CCDC91: variants seen among roughly 807,000 people sequenced by gnomAD.
CCDC91 encodes the protein coiled-coil domain containing 91.
Under a neutral mutation model 63.2 loss-of-function variants are expected in CCDC91, and 48 were observed. That is an observed-to-expected ratio of 0.76 (90% CI 0.60 to 0.97). The LOEUF (loss-of-function observed/expected upper bound fraction) is 0.97, where lower values mean the gene tolerates loss of function less well. Ranked by LOEUF, CCDC91 falls within the 50% of genes least tolerant of loss-of-function variation. CCDC91 has a pLI of 0.00. For synonymous variants in CCDC91, 167 were observed against 165.8 expected, an observed-to-expected ratio of 1.01 and a Z score of -0.06; for missense variants, 500 against 494.6, an observed-to-expected ratio of 1.01 and a Z score of -0.10.
At chr12:28,523,525 T>C (rs541599094) in intron 12 of CCDC91, among the ~76,000 whole-genome samples, 297 of 152,288 alleles carry the variant, frequency 2.0e-3, no homozygotes, top group Non-Finnish European at 3.3e-3. Context: ...TGACTCTTTA[T>C]CCAATTTGCC....
chr12:28,374,490 A>G (rs1365667192), intron 7 of CCDC91, among the ~76,000 whole-genome samples: 1 of 152,186 alleles, frequency 6.6e-6, no homozygotes, highest in Non-Finnish European at 1.5e-5. Flanking sequence ...GTTGCTTCAA[A>G]TATTAATTTA....
rs1555169638 is a variant in CCDC91, at chr12:28,264,585, C to CTGTATGTGTGTG, written c.109+5146_109+5147insATGTGTGTGTGT. ...TAGGCACATATATATATATGTCTGT[C>CTGTATGTGTGTG]TGTGTGTGTGTGTGTGTGTGTGTGT... On this transcript the variant is annotated intron_variant, in intron 3 of 12. Transcript: ENST00000536442. Among the ~76,000 whole-genome samples, 561 of 137,298 alleles carry CTGTATGTGTGTG rather than the reference C, an allele frequency of 4.1e-3. 10 individuals carry two copies. Among genetic ancestry groups the CTGTATGTGTGTG allele is most frequent in the Non-Finnish European group, 5.8e-3 (372 of 64,518 alleles). 90.1% of individuals were successfully genotyped at this position (137,298 alleles called of 152,430 possible). A position where few individuals can be genotyped will look rare whatever the true frequency, so the allele number is the denominator to read the frequency against.
chr12:28,450,494 A>G, intron 10 of CCDC91, 76 bp downstream of exon 10: 1 of 1,022,640 alleles, frequency 9.8e-7, no homozygotes. Context: ...AGTATTCTCA[A>G]TCTTTTATAA....
At chr12:28,499,007 A>G (rs889757248) in intron 12 of CCDC91, among the ~76,000 whole-genome samples, 1 of 151,684 alleles carries the variant, frequency 6.6e-6, no homozygotes, top group Non-Finnish European at 1.5e-5. Context: ...GAATGCCATT[A>G]AACATTTATC....
chr12:28,304,697 C>A, intron 3 of CCDC91: 1 of 1,248,436 alleles, frequency 8.0e-7, no homozygotes. Context: ...TTGCTGATGC[C>A]AATGTGGAAT....
At chr12:28,270,340 A>C (rs1162731525) in intron 3 of CCDC91, among the ~76,000 whole-genome samples, 4 of 152,140 alleles carry the variant, frequency 2.6e-5, no homozygotes, top group Non-Finnish European at 5.9e-5. Context: ...TTTGCTAAAG[A>C]TATGAAGAGT....
intron 1 of CCDC91, among the ~76,000 whole-genome samples, chr12:28,237,293 G>C (rs1333425390): frequency 7.5e-6 from 1 of 132,780 alleles, no homozygotes. Flanking sequence ...GTTGTAGGCA[G>C]AATAATGTCC....
At chr12:28,242,428 C>T (rs1945407785) in intron 1 of CCDC91, among the ~76,000 whole-genome samples, 1 of 152,114 alleles carries the variant, frequency 6.6e-6, no homozygotes, top group African/African-American at 2.4e-5. Flanking sequence ...TCAGGTGAGA[C>T]ACAGAGGAGG....
chr12:28,298,377 T>TTTC lies in CCDC91; in HGVS notation c.110-7272_110-7271insTTC, dbSNP rs71039892. ...GATTGTTGAGTTTTTTTTTTTTTTT[T>TTTC]CCCCCCACAAAAGCTAGTTGGCCCC... is the stretch of plus-strand genomic sequence containing the variant. On this transcript the variant is annotated intron_variant, in intron 3 of 12. Coordinates refer to ENST00000536442, the MANE Select transcript of CCDC91 (RefSeq NM_018318.5). 6.3e-4 allele frequency among the ~76,000 whole-genome samples: 92 copies of TTTC among 145,042 alleles called. 2 individuals are homozygous for TTTC. The highest frequency in any genetic ancestry group is 3.5e-3 in the Middle Eastern group (1 of 284).
chr12:28,219,061 T>C (rs972621918), intron 1 of CCDC91, among the ~76,000 whole-genome samples: 4 of 152,190 alleles, frequency 2.6e-5, no homozygotes, highest in African/African-American at 9.7e-5. Context: ...GTTTACATTC[T>C]CACTAGGTTA....
chr12:28,487,301 T>C (rs1951775816), intron 12 of CCDC91, among the ~76,000 whole-genome samples: 1 of 151,856 alleles, frequency 6.6e-6, no homozygotes, highest in South Asian at 2.1e-4. Flanking sequence ...AAATAAATGA[T>C]CTGAAATGGA....
At chr12:28,396,714 T>A (rs1946319205) in intron 8 of CCDC91, among the ~76,000 whole-genome samples, 1 of 151,734 alleles carries the variant, frequency 6.6e-6, no homozygotes, top group Non-Finnish European at 1.5e-5. Flanking sequence ...CACAAACACA[T>A]ATATTTTATA....
intron 8 of CCDC91, among the ~76,000 whole-genome samples, chr12:28,412,220 A>G (rs1005589375): frequency 6.6e-6 from 1 of 152,210 alleles, no homozygotes; most frequent in Non-Finnish European, 1.5e-5. Flanking sequence ...GCCTAATATC[A>G]CATTTCTCTG....
chr12:28,471,807 T>C (rs1950831364), intron 11 of CCDC91, among the ~76,000 whole-genome samples: 1 of 150,834 alleles, frequency 6.6e-6, no homozygotes, highest in Non-Finnish European at 1.5e-5. Context: ...TGGAGTGCAG[T>C]GGTGCAATCT....
At chr12:28,282,874 G>T (rs1367948840) in intron 3 of CCDC91, among the ~76,000 whole-genome samples, 1 of 151,986 alleles carries the variant, frequency 6.6e-6, no homozygotes, top group East Asian at 1.9e-4. Context: ...TCTTGGGTTA[G>T]TTTTTACATA....
At chr12:28,419,124 T>C (rs1281905312) in intron 8 of CCDC91, among the ~76,000 whole-genome samples, 1 of 152,164 alleles carries the variant, frequency 6.6e-6, no homozygotes, top group Admixed American at 6.6e-5. Flanking sequence ...CCTAGGGATA[T>C]AACAGTGAAA....
At chr12:28,277,335 T>C (rs1948304883) in intron 3 of CCDC91, among the ~76,000 whole-genome samples, 1 of 152,000 alleles carries the variant, frequency 6.6e-6, no homozygotes, top group African/African-American at 2.4e-5. Context: ...ATGAGGATAA[T>C]AAATTTTTGG....
At chr12:28,395,791 C>T (rs980413091) in intron 8 of CCDC91, among the ~76,000 whole-genome samples, 2 of 152,134 alleles carry the variant, frequency 1.3e-5, no homozygotes, top group Non-Finnish European at 2.9e-5. Context: ...TAAGTTACAC[C>T]TATATAATGA....
intron 1 of CCDC91, among the ~76,000 whole-genome samples, chr12:28,233,000 A>C (rs1944704390): frequency 6.6e-6 from 1 of 151,688 alleles, no homozygotes; most frequent in Admixed American, 6.6e-5. Flanking sequence ...AAATATCATT[A>C]CTGGTTTTTG....
Sources: gnomAD v4.1 joint callset for allele counts (sites outside exome capture counted in the v4.1 genomes callset) on GRCh38, gnomAD v4.1.1 for gene constraint, MANE v1.5 for transcripts, NCBI Gene and HGNC (gene_info 2026-07-23, HGNC 2026-07-21) for gene names.